The following IMMP2L variants were observed in gnomAD, a reference collection of about 807,000 sequenced individuals.
The protein encoded by IMMP2L is inner mitochondrial membrane peptidase subunit 2.
IMMP2L carries 18 observed loss-of-function variants against 19.3 expected under a neutral mutation model. The observed-to-expected ratio is 0.93, with a 90% CI of 0.64 to 1.38. The LOEUF is 1.38. Among genes scored for constraint, IMMP2L ranks in the 40% most tolerant of loss-of-function variants. The probability of loss-of-function intolerance (pLI) is 0.00; values close to 1 mark genes in which losing one functional copy is unlikely to be tolerated. For synonymous variants in IMMP2L, 76 were observed against 73.0 expected (o/e 1.04, Z -0.21); for missense variants, 233 against 218.2 (o/e 1.07, Z -0.43).
At chr7:111,075,115 ACTTTTTTT>A (rs1396268373) in intron 3 of IMMP2L, among the ~76,000 whole-genome samples, 5 of 104,726 alleles carry the variant, frequency 4.8e-5, no homozygotes, top group African/African-American at 1.1e-4. Flanking sequence ...TTGTTTTCAG[ACTTTTTTT>A]TTTTTTTTTT....
intron 3 of IMMP2L, among the ~76,000 whole-genome samples, chr7:111,209,015 A>G (rs534612037): frequency 2.6e-5 from 4 of 152,216 alleles, no homozygotes; most frequent in Non-Finnish European, 5.9e-5. Flanking sequence ...TTTAAAACTG[A>G]TAGCATTATA....
intron 5 of IMMP2L, among the ~76,000 whole-genome samples, chr7:110,786,708 A>T (rs1800103850): frequency 6.6e-6 from 1 of 152,060 alleles, no homozygotes; most frequent in African/African-American, 2.4e-5. Flanking sequence ...TTGCAGGGAT[A>T]TTTCATCACT....
At chr7:111,108,038 G>T (rs1798746233) in intron 3 of IMMP2L, among the ~76,000 whole-genome samples, 1 of 152,036 alleles carries the variant, frequency 6.6e-6, no homozygotes, top group South Asian at 2.1e-4. Context: ...TTACAATACT[G>T]TTTTTGTTTT....
At chr7:111,403,096 C>T (rs1381919077) in intron 3 of IMMP2L, among the ~76,000 whole-genome samples, 1 of 150,748 alleles carries the variant, frequency 6.6e-6, no homozygotes, top group Non-Finnish European at 1.5e-5. Flanking sequence ...TGGTTTGGCT[C>T]TGTGTCCCCA....
chr7:111,425,619 C>A (rs1222495623), intron 3 of IMMP2L, among the ~76,000 whole-genome samples: 1 of 151,020 alleles, frequency 6.6e-6, no homozygotes, highest in Non-Finnish European at 1.5e-5. Context: ...CTGGTGTTCA[C>A]TGTAATTGTC....
At chr7:110,744,856 A>T (rs1797228772) in intron 5 of IMMP2L, among the ~76,000 whole-genome samples, 1 of 152,198 alleles carries the variant, frequency 6.6e-6, no homozygotes, top group South Asian at 2.1e-4. Context: ...CCAAAGGATC[A>T]CAACTCCTCG....
At chr7:110,731,110 T>A (rs1204024584) in intron 5 of IMMP2L, among the ~76,000 whole-genome samples, 2 of 152,234 alleles carry the variant, frequency 1.3e-5, no homozygotes, top group East Asian at 3.8e-4. Context: ...TTTTACTTTA[T>A]ATCTTCATTT....
chr7:111,505,595 G>T (rs976136716), intron 2 of IMMP2L, among the ~76,000 whole-genome samples: 13 of 152,060 alleles, frequency 8.5e-5, no homozygotes, highest in African/African-American at 3.1e-4. Context: ...GATAGACTAG[G>T]TTAAGAAAAT....
intron 5 of IMMP2L, among the ~76,000 whole-genome samples, chr7:110,806,261 T>C (rs1051057848): frequency 4.1e-4 from 16 of 38,998 alleles, no homozygotes; most frequent in Non-Finnish European, 7.0e-4. Context: ...TGAAGTTCTT[T>C]TCTGCATAAT....
chr7:110,995,578 C>T (rs956272495), intron 3 of IMMP2L, among the ~76,000 whole-genome samples: 1 of 152,088 alleles, frequency 6.6e-6, no homozygotes, highest in African/African-American at 2.4e-5. Context: ...CATCCATAAA[C>T]AGTTGTTAAA....
intron 3 of IMMP2L, among the ~76,000 whole-genome samples, chr7:111,073,808 C>T (rs1795159778): frequency 6.6e-6 from 1 of 152,296 alleles, no homozygotes; most frequent in Admixed American, 6.5e-5. Context: ...CAGGAAGATA[C>T]TACTTATTTC....
At chr7:111,118,008 C>T (rs1800100308) in intron 3 of IMMP2L, among the ~76,000 whole-genome samples, 1 of 152,018 alleles carries the variant, frequency 6.6e-6, no homozygotes, top group Non-Finnish European at 1.5e-5. Flanking sequence ...TCACTATACC[C>T]CAGCTGATTT....
chr7:111,319,825 T>C (rs6466376), intron 3 of IMMP2L, among the ~76,000 whole-genome samples: 68,256 of 151,704 alleles, frequency 0.45, 15,967 homozygotes, highest in Non-Finnish European at 0.52. Context: ...TTCCAGGTAA[T>C]GCCCAAGGCC....
At chr7:111,133,026 A>G (rs1042243277) in intron 3 of IMMP2L, among the ~76,000 whole-genome samples, 10 of 151,980 alleles carry the variant, frequency 6.6e-5, no homozygotes, top group Admixed American at 3.9e-4. Flanking sequence ...TATTTTAATG[A>G]GTCATTTGTG....
intron 3 of IMMP2L, among the ~76,000 whole-genome samples, chr7:111,093,628 C>T (rs925679362): frequency 1.8e-4 from 28 of 152,162 alleles, no homozygotes; most frequent in Non-Finnish European, 1.0e-4. Context: ...GTAAAGCTCA[C>T]ATACATATTT....
At chr7:111,461,551 T>C (rs2132011414) in intron 3 of IMMP2L, among the ~76,000 whole-genome samples, 1 of 151,920 alleles carries the variant, frequency 6.6e-6, no homozygotes. Flanking sequence ...GAAGGCTTTT[T>C]TAACTCCTCT....
intron 3 of IMMP2L, among the ~76,000 whole-genome samples, chr7:111,464,950 G>A (rs1025811334): frequency 2.6e-5 from 4 of 151,962 alleles, no homozygotes; most frequent in Admixed American, 6.6e-5. Flanking sequence ...CACCAGGCCC[G>A]GCTAATTTTG....
intron 3 of IMMP2L, chr7:111,392,755 G>C: frequency 2.2e-6 from 1 of 456,568 alleles, no homozygotes; most frequent in Non-Finnish European, 4.4e-6. Flanking sequence ...TTCAGGTTCA[G>C]TAATTTGCTA....
intron 1 of IMMP2L, among the ~76,000 whole-genome samples, chr7:111,541,925 C>T (rs1585607434): frequency 6.6e-6 from 1 of 151,944 alleles, no homozygotes; most frequent in Non-Finnish European, 1.5e-5. Context: ...ACATGTTAAG[C>T]AAAACCAGCC....
Sources: allele counts gnomAD v4.1 joint callset (sites outside exome capture counted in the v4.1 genomes callset), GRCh38; gene constraint gnomAD v4.1.1; transcripts MANE v1.5; gene names NCBI Gene and HGNC (gene_info 2026-07-23, HGNC 2026-07-21).